Variants in LMF1 observed in about 807,000 individuals in gnomAD.
LMF1 encodes lipase maturation factor 1, also known as transmembrane protein 112.
In LMF1, 68 loss-of-function variants were observed where a neutral mutation model predicts 60.6. That is an observed-to-expected ratio of 1.12 (90% CI 0.92 to 1.37). The LOEUF (loss-of-function observed/expected upper bound fraction) is 1.37. Among genes scored for constraint, LMF1 ranks in the 40% most tolerant of loss-of-function variants. LMF1 has a pLI of 0.00. For missense variants in LMF1, 948 were observed against 767.2 expected, an observed-to-expected ratio of 1.24 and a Z score of -2.78; for synonymous variants, 418 against 324.7, an observed-to-expected ratio of 1.29 and a Z score of -3.09.
At chr16:914,762 C>T (rs1443410834) in intron 3 of LMF1, among the ~76,000 whole-genome samples, 11 of 4,922 alleles carry the variant, frequency 2.2e-3, no homozygotes, top group East Asian at 0.014. Context: ...TGACACATTC[C>T]CTCCCTCCCT....
chr16:927,896 C>A (rs1402471770), intron 3 of LMF1, among the ~76,000 whole-genome samples: 1 of 152,236 alleles, frequency 6.6e-6, no homozygotes, highest in Non-Finnish European at 1.5e-5. Context: ...GTGTCTGGGG[C>A]CCCGCACACG....
At chr16:953,255 ACCCCAAACCAGC>A (rs1264574555) in intron 2 of LMF1, among the ~76,000 whole-genome samples, 3 of 66,932 alleles carry the variant, frequency 4.5e-5, no homozygotes, top group African/African-American at 1.2e-4. Flanking sequence ...ACAGACACCC[ACCCCAAACCAGC>A]CTCCTACACG....
At chr16:920,311 G>T (rs1034310056) in intron 3 of LMF1, among the ~76,000 whole-genome samples, 1 of 152,218 alleles carries the variant, frequency 6.6e-6, no homozygotes, top group African/African-American at 2.4e-5. Context: ...CACCCCAAGC[G>T]CTGGCTCCAC....
At position 920,238 on chromosome 16, in the gene LMF1, G is replaced by A. The variant is rs566092048; in HGVS notation, c.515-9159C>T. On this transcript the variant is annotated intron_variant, in intron 3 of 10. Transcript: ENST00000262301. ...CGGCCCCCGACACGACATCCACACC[G>A]GCCCCAGCCCGTCAGCCCCCACAGC... is the stretch of plus-strand genomic sequence containing the variant. Among the ~76,000 whole-genome samples the A allele has an allele frequency of 6.6e-5, 10 of 152,134 alleles. No individual in the cohort carries two copies. The East Asian group carries it at 9.6e-4, about 15-fold the overall frequency.
At chr16:876,159 C>T (rs1219580027) in intron 6 of LMF1, among the ~76,000 whole-genome samples, 7 of 152,252 alleles carry the variant, frequency 4.6e-5, no homozygotes, top group East Asian at 1.9e-4. Context: ...AACCGGGGCA[C>T]GTGCGGACCA....
chr16:859,986 G>T (rs2069405646), intron 10 of LMF1, among the ~76,000 whole-genome samples: 1 of 151,210 alleles, frequency 6.6e-6, no homozygotes, highest in Non-Finnish European at 1.5e-5. Flanking sequence ...GTGCAGTGGT[G>T]TTATGGTGGT....
Position 892,982 on chromosome 16 carries a change from C to T in LMF1, c.729+25G>A, listed in dbSNP as rs1464346677. The T allele has an allele frequency of 2.0e-6, 3 of 1,525,958 alleles. No individual in the cohort carries two copies. In the East Asian group the frequency reaches 7.4e-5, roughly 38 times the overall value. The allele number at this position is 1,525,958 out of a possible 1,614,324, so 94.5% of individuals were successfully genotyped here. A position where few individuals can be genotyped will look rare whatever the true frequency, so the allele number is the denominator to read the frequency against. Reference sequence around the variant, plus strand: ...GGGCGGCGTGAGACCGGGTGCCCTGCCCTCACGCTGCACGGCACGCTCACC... The same window carrying T: ...GGGCGGCGTGAGACCGGGTGCCCTGTCCTCACGCTGCACGGCACGCTCACC... On this transcript the variant is annotated intron_variant, in intron 5 of 10. Transcript: ENST00000262301.
intron 2 of LMF1, among the ~76,000 whole-genome samples, chr16:937,818 T>C (rs2071987074): frequency 6.6e-6 from 1 of 152,264 alleles, no homozygotes; most frequent in African/African-American, 2.4e-5. Flanking sequence ...TCTGGCCTAG[T>C]GCAAAGAACT....
chr16:935,600 G>T (rs535996151), intron 2 of LMF1, among the ~76,000 whole-genome samples: 1 of 150,708 alleles, frequency 6.6e-6, no homozygotes, highest in Non-Finnish European at 1.5e-5. Context: ...AATGTTTTAA[G>T]AAAGTTTATG....
In LMF1 at chr16:869,621, G is replaced by A. The variant is rs1302079326; in HGVS notation, c.1416+262C>T. On this transcript the variant is annotated intron_variant, in intron 9 of 10. Coordinates refer to ENST00000262301, the MANE Select transcript of LMF1 (RefSeq NM_022773.4). ...GTTCGTAGATACAGGGTCTCGCTATGGCACCCGGGCTGGGATTCCTGGCAT... is the reference window on the plus strand; with the variant it reads ...GTTCGTAGATACAGGGTCTCGCTATAGCACCCGGGCTGGGATTCCTGGCAT... 2.0e-5 allele frequency: 13 copies of A among 657,144 alleles called. No homozygotes were observed. The African/African-American group carries it at 2.1e-4, about 11-fold the overall frequency. The allele number at this position is 657,144 out of a possible 1,614,324, so 40.7% of individuals were successfully genotyped here. A position where few individuals can be genotyped will look rare whatever the true frequency, so the allele number is the denominator to read the frequency against.
intron 2 of LMF1, among the ~76,000 whole-genome samples, chr16:939,431 A>C (rs537651696): frequency 6.6e-6 from 1 of 152,216 alleles, no homozygotes; most frequent in African/African-American, 2.4e-5. Flanking sequence ...AAAACCAGGA[A>C]CAACCAACGT....
intron 3 of LMF1, among the ~76,000 whole-genome samples, chr16:913,070 G>A (rs1034496951): frequency 1.3e-5 from 2 of 152,198 alleles, no homozygotes; most frequent in East Asian, 1.9e-4. Flanking sequence ...CCTCGCCCCC[G>A]CCTCAGTGCC....
chr16:959,442 G>A (rs996279357), intron 1 of LMF1, among the ~76,000 whole-genome samples: 1 of 152,174 alleles, frequency 6.6e-6, no homozygotes, highest in Non-Finnish European at 1.5e-5. Context: ...CATGCACGGG[G>A]GACTTGGGGC....
intron 2 of LMF1, among the ~76,000 whole-genome samples, chr16:950,635 A>T (rs2072426820): frequency 6.7e-6 from 1 of 149,822 alleles, no homozygotes; most frequent in African/African-American, 2.5e-5. Context: ...CGACAGAGTC[A>T]GCCAAGGACA....
intron 3 of LMF1, among the ~76,000 whole-genome samples, chr16:924,921 G>A (rs752306684): frequency 5.3e-5 from 8 of 152,244 alleles, no homozygotes; most frequent in Non-Finnish European, 4.4e-5. Context: ...AGGCCCAGGC[G>A]GGAGAACGGA....
chr16:889,922 C>G (rs538789098), intron 5 of LMF1, among the ~76,000 whole-genome samples: 21 of 152,232 alleles, frequency 1.4e-4, no homozygotes, highest in East Asian at 3.9e-4. Flanking sequence ...AGCTGAGGAC[C>G]CCTCTGCCTC....
intron 10 of LMF1, among the ~76,000 whole-genome samples, chr16:865,677 C>T (rs1164891523): frequency 1.3e-5 from 2 of 152,114 alleles, no homozygotes; most frequent in Admixed American, 1.3e-4. Context: ...GTAGGTTTGT[C>T]CGTTTTGCCA....
Position 890,888 on chromosome 16 carries a change from G to A in LMF1, c.729+2119C>T, listed in dbSNP as rs145091227. Reference sequence around the variant, plus strand: ...GTGGCAGTGACACCGAGGGTGCCTCGAGACATCCAGGGCCATCCCTCTGGC... The same window carrying A: ...GTGGCAGTGACACCGAGGGTGCCTCAAGACATCCAGGGCCATCCCTCTGGC... On this transcript the variant is annotated intron_variant, in intron 5 of 10. Transcript: ENST00000262301. Among the ~76,000 whole-genome samples the A allele has an allele frequency of 3.7e-3, 569 of 152,248 alleles. 2 individuals are homozygous for A. Among genetic ancestry groups the A allele is most frequent in the African/African-American group, 0.013 (548 of 41,540 alleles).
In LMF1 at chr16:854,599, G is replaced by A. The variant is rs199843015; in HGVS notation, c.1637C>T (p.Pro546Leu). Residue 546 changes from proline (P) to leucine (L), a missense_variant, in exon 11 of 11, where the codon CCG (proline) becomes CTG (leucine). By Grantham distance (98) the Pro-to-Leu change is moderately conservative (BLOSUM62 -3). Coordinates refer to ENST00000262301, the MANE Select transcript of LMF1 (RefSeq NM_022773.4). ...VRKRIGAYFP[P>L]LSLEELRPYF... ...GGGCCTCAGCTCCTCCAGGCTGAGC[G>A]GAGGGAAGTAGGCTCCGATCCTCTT... 272 of 1,606,830 alleles carry A rather than the reference G, an allele frequency of 1.7e-4. 1 individual carries two copies. Among genetic ancestry groups the A allele is most frequent in the South Asian group, 3.4e-4 (31 of 90,018 alleles).
Sources: allele counts gnomAD v4.1 joint callset (sites outside exome capture counted in the v4.1 genomes callset), GRCh38; gene constraint gnomAD v4.1.1; transcripts MANE v1.5; gene names NCBI Gene and HGNC (gene_info 2026-07-23, HGNC 2026-07-21).